The following ABCC5 variants were observed in gnomAD, a reference collection of about 807,000 sequenced individuals.
The protein encoded by ABCC5 is ATP binding cassette subfamily C member 5, also known as ATP-binding cassette sub-family C member 5.
Under a neutral mutation model 160.9 loss-of-function variants are expected in ABCC5, and 61 were observed. The ratio of observed to expected loss-of-function variants is 0.38; its 90% CI spans 0.31 to 0.47. ABCC5 has a LOEUF of 0.47. ABCC5 is among the 20% of genes least tolerant of loss of function. ABCC5 has a pLI of 0.99. For missense variants in ABCC5, 1,308 were observed against 1,813.3 expected (o/e 0.72, Z 5.06); for synonymous variants, 666 against 700.6 (o/e 0.95, Z 0.78).
chr3:184,002,096 G>A (rs1445212764), intron 2 of ABCC5, among the ~76,000 whole-genome samples: 1 of 152,084 alleles, frequency 6.6e-6, no homozygotes, highest in Non-Finnish European at 1.5e-5. Flanking sequence ...AGCTAAAGAG[G>A]GACAATGAAG....
intron 26 of ABCC5, among the ~76,000 whole-genome samples, chr3:183,933,248 C>G (rs951198207): frequency 6.6e-6 from 1 of 151,484 alleles, no homozygotes; most frequent in Admixed American, 6.6e-5. Flanking sequence ...AACACTGTTT[C>G]TTGCTAATGA....
At position 183,921,434 on chromosome 3, in the gene ABCC5, C is replaced by T; in HGVS notation, c.4213-33G>A. On this transcript the variant is annotated intron_variant, in intron 29 of 29. Transcript: ENST00000334444. This position sits in a 1 kb window ranked among gnomAD's most constrained non-coding sequence, Gnocchi z 4.1. ...AGAAGGAGACGCCGTCAGGACACAG[C>T]TCTGGGTCATGCAGGGTGATTCAGA... is the stretch of plus-strand genomic sequence containing the variant. The T allele has an allele frequency of 6.2e-7, 1 of 1,601,264 alleles. No homozygotes were observed. The highest frequency in any genetic ancestry group is 1.1e-5 in the South Asian group (1 of 88,924).
chr3:183,978,699 A>G (rs778815299), intron 8 of ABCC5, 48 bp from the exon 9 acceptor site: 2 of 1,591,664 alleles, frequency 1.3e-6, no homozygotes, highest in Admixed American at 3.4e-5. Flanking sequence ...AAAGAAGCCT[A>G]GGGATGTTGT....
intron 2 of ABCC5, among the ~76,000 whole-genome samples, chr3:183,994,855 G>GTTT (rs71632005): frequency 2.7e-5 from 3 of 109,702 alleles, no homozygotes; most frequent in Admixed American, 9.2e-5. Flanking sequence ...CATTTTCTAT[G>GTTT]TTTTTTTTTT....
Position 184,014,302 on chromosome 3 carries a change from T to C in ABCC5, c.91A>G (p.Arg31Gly). ...RERTSTSGTH[R>G]DREDSKFRRT... is the part of the protein sequence containing the mutation. ...CTGAACTTGGAATCTTCACGGTCTC[T>C]GTGCGTCCCAGAAGTGCTGGTTCTC... Residue 31 changes from arginine (R) to glycine (G), a missense_variant, in exon 2 of 30, where the codon AGA becomes GGA. This residue lies in a region of ABCC5 where 1,142 missense variants were observed against 1,527.1 expected (regional missense o/e 0.75). Transcript: ENST00000334444. The C allele has an allele frequency of 1.9e-6, 3 of 1,614,134 alleles. No homozygotes were observed. The highest frequency in any genetic ancestry group is 2.5e-6 in the Non-Finnish European group (3 of 1,179,992).
At chr3:183,923,300 A>C (rs1712187361) in intron 29 of ABCC5, among the ~76,000 whole-genome samples, 1 of 152,090 alleles carries the variant, frequency 6.6e-6, no homozygotes, top group South Asian at 2.1e-4. Flanking sequence ...CACCCATCGA[A>C]AGAAAGGGGT....
At position 183,960,721 on chromosome 3, in the gene ABCC5, C is replaced by T. The variant is rs377030895; in HGVS notation, c.2379+790G>A. The stretch of plus-strand genomic sequence containing the variant: ...ACAGGGCACACAGGGACTCAATAAA[C>T]AGCCATCAGGGTTCTACCTGAGATA... On this transcript the variant is annotated intron_variant, in intron 16 of 29. Transcript: ENST00000334444. Among the ~76,000 whole-genome samples, 20 of 152,302 alleles carry T rather than the reference C, an allele frequency of 1.3e-4. No individual in the cohort carries two copies. In the East Asian group the frequency reaches 2.3e-3, roughly 18 times the overall value.
intron 28 of ABCC5, among the ~76,000 whole-genome samples, chr3:183,926,388 A>G (rs1712562626): frequency 6.6e-6 from 1 of 150,882 alleles, no homozygotes. Context: ...TGTCTCTACT[A>G]AAAATACAAA....
intron 27 of ABCC5, 80 bp downstream of exon 27, chr3:183,928,667 G>A: frequency 7.6e-7 from 1 of 1,315,272 alleles, no homozygotes; most frequent in South Asian, 1.2e-5. Context: ...CACGGCCAGA[G>A]CAGACGGGGT....
rs1716574045 is a variant in ABCC5 at position 183,959,975 on chromosome 3, A to G, written c.2380-140T>C. On this transcript the variant is annotated intron_variant, in intron 16 of 29. Transcript: ENST00000334444. ...CCAACTTCTTAAAAGGGTCACCTAT[A>G]CTCATTTCTTGTACTTCCTCATCTC... The G allele has an allele frequency of 1.5e-5, 9 of 582,076 alleles. No homozygotes were observed. The East Asian group carries it at 2.7e-4, about 17-fold the overall frequency. The allele number at this position is 582,076 out of a possible 1,614,324, so 36.1% of individuals were successfully genotyped here.
chr3:183,984,058 C>G, intron 5 of ABCC5: 1 of 985,282 alleles, frequency 1.0e-6, no homozygotes. Context: ...GGAGTAGATT[C>G]TCTAGGAAAA....
At position 183,934,769 on chromosome 3, in the gene ABCC5, G is replaced by A. The variant is rs374591262; in HGVS notation, c.3854+3132C>T. On this transcript the variant is annotated intron_variant, in intron 26 of 29. Transcript: ENST00000334444. ...TGAGCTCAAGTGATCCTTCCGTCTC[G>A]GCCTCCCAAAGTGCTGGGATTATAG... is the stretch of plus-strand genomic sequence containing the variant. Among the ~76,000 whole-genome samples, 207 of 152,134 alleles carry A rather than the reference G, an allele frequency of 1.4e-3. 2 individuals are homozygous for A. The highest frequency in any genetic ancestry group is 4.7e-3 in the African/African-American group (196 of 41,508).
chr3:183,987,114 T>C lies in ABCC5; in HGVS notation c.591+656A>G, dbSNP rs1427443735. The C allele has an allele frequency of 6.3e-6, 1 of 158,484 alleles. No homozygotes were observed. The highest frequency in any genetic ancestry group is 1.9e-4 in the East Asian group (1 of 5,388). The allele number at this position is 158,484 out of a possible 1,614,324, so 9.8% of individuals were successfully genotyped here. On this transcript the variant is annotated intron_variant, in intron 5 of 29. Coordinates refer to ENST00000334444, the MANE Select transcript of ABCC5 (RefSeq NM_005688.4). This position sits in a 1 kb window ranked among gnomAD's most constrained non-coding sequence, Gnocchi z 4.2. ...GCAAATGTGTAGAGAATAGATTTAA[T>C]CAAGGTCTCAAGTGTAAGGCAGCAC...
At chr3:183,985,870 G>C (rs757884020) in intron 5 of ABCC5, 3 of 185,156 alleles carry the variant, frequency 1.6e-5, no homozygotes, top group Non-Finnish European at 3.4e-5. Flanking sequence ...AAAACAAACA[G>C]AACACAACAA....
At chr3:183,996,700 C>G (rs1375406177) in intron 2 of ABCC5, among the ~76,000 whole-genome samples, 1 of 152,150 alleles carries the variant, frequency 6.6e-6, no homozygotes, top group African/African-American at 2.4e-5. Flanking sequence ...TCCTAACAAA[C>G]CCCCATAAAA....
At position 183,961,372 on chromosome 3, in the gene ABCC5, A is replaced by T. The variant is rs1716716888; in HGVS notation, c.2379+139T>A. 1.2e-5 allele frequency: 13 copies of T among 1,041,822 alleles called. No individual in the cohort carries two copies. In the South Asian group the frequency reaches 2.2e-4, roughly 17 times the overall value. The allele number at this position is 1,041,822 out of a possible 1,614,324, so 64.5% of individuals were successfully genotyped here. ...ATCAGTGTGTGAACTAAGGCACAGC[A>T]GTCTGTTCACCAGAAAACAGGGCCC... On this transcript the variant is annotated intron_variant, in intron 16 of 29. Transcript: ENST00000334444.
At chr3:183,942,328 C>T in intron 25 of ABCC5, 1 of 454,666 alleles carries the variant, frequency 2.2e-6, no homozygotes, top group Non-Finnish European at 4.4e-6. Flanking sequence ...GCCACTGCGC[C>T]CAGCCTACTG....
intron 2 of ABCC5, among the ~76,000 whole-genome samples, chr3:183,990,240 G>A (rs973411063): frequency 6.6e-6 from 1 of 151,842 alleles, no homozygotes; most frequent in African/African-American, 2.4e-5. Flanking sequence ...TCCGAGTAGG[G>A]GGGTTACAGG....
intron 25 of ABCC5, chr3:183,942,428 G>A (rs1345866185): frequency 3.6e-6 from 2 of 560,492 alleles, no homozygotes; most frequent in African/African-American, 3.7e-5. Context: ...TAACAAGATA[G>A]CTACCAAAAT....
Sources: allele counts gnomAD v4.1 joint callset (sites outside exome capture counted in the v4.1 genomes callset), GRCh38; gene constraint gnomAD v4.1.1; regional missense constraint gnomAD v4.1.1; non-coding constraint Gnocchi (gnomAD v3.1); transcripts MANE v1.5; gene names NCBI Gene and HGNC (gene_info 2026-07-23, HGNC 2026-07-21).